The following SLC17A1 variants were observed in gnomAD, a reference collection of about 807,000 sequenced individuals.
SLC17A1 encodes the protein sodium-dependent phosphate transport protein 1.
In SLC17A1, 51 loss-of-function variants were observed where a neutral mutation model predicts 53.5. The observed-to-expected ratio is 0.95, with a 90% confidence interval of 0.76 to 1.20. The LOEUF (loss-of-function observed/expected upper bound fraction) is 1.20, where lower values mean the gene tolerates loss of function less well. SLC17A1 is among the 50% of genes most tolerant of loss of function. The pLI, the probability that SLC17A1 is intolerant of heterozygous loss-of-function variation, is 0.00. For missense variants in SLC17A1, 538 were observed against 568.2 expected (o/e 0.95, Z 0.54); for synonymous variants, 179 against 198.8 (o/e 0.90, Z 0.84).
the SLC17A1 span, among the ~76,000 whole-genome samples, chr6:25,749,085 G>A: frequency 1.3e-5 from 2 of 152,182 alleles, no homozygotes; most frequent in Admixed American, 6.5e-5. Context: ...GCTGGGGGAC[G>A]GTGAGGTCTT....
intron 3 of SLC17A1, among the ~76,000 whole-genome samples, chr6:25,821,843 A>T (rs1764573324): frequency 6.6e-6 from 1 of 152,202 alleles, no homozygotes; most frequent in Non-Finnish European, 1.5e-5. Flanking sequence ...AAATCTTAGA[A>T]ATATATATAC....
intron 10 of SLC17A1, among the ~76,000 whole-genome samples, chr6:25,808,942 T>C (rs1419418742): frequency 6.6e-6 from 1 of 152,012 alleles, no homozygotes; most frequent in African/African-American, 2.4e-5. Flanking sequence ...TCAAAAAAGA[T>C]ATCTGCACTC....
intron 8 of SLC17A1, 48 bp downstream of exon 8, chr6:25,812,783 C>G (rs1358025639): frequency 7.0e-7 from 1 of 1,431,210 alleles, no homozygotes; most frequent in African/African-American, 1.4e-5. Context: ...GACAAATGTA[C>G]ACAGAGTCTT....
chr6:25,758,047 G>A, the SLC17A1 span, among the ~76,000 whole-genome samples: 20 of 152,300 alleles, frequency 1.3e-4, no homozygotes, highest in African/African-American at 4.8e-4. Context: ...GCTGCCGTGG[G>A]ACGTATCACA....
At chr6:25,778,640 G>T (rs1264854991), downstream of SLC17A1, among the ~76,000 whole-genome samples, 1 of 152,124 alleles carries the variant, frequency 6.6e-6, no homozygotes, top group Non-Finnish European at 1.5e-5. Flanking sequence ...GAAACAGAAA[G>T]AAATCTATGG....
intron 12 of SLC17A1, among the ~76,000 whole-genome samples, chr6:25,791,339 GT>G (rs1013992016): frequency 7.2e-5 from 11 of 151,748 alleles, no homozygotes; most frequent in Non-Finnish European, 1.3e-4. Flanking sequence ...TGAAAATGAT[GT>G]TTTTTTTGAC....
At chr6:25,773,902 C>T in the SLC17A1 span, among the ~76,000 whole-genome samples, 138,312 of 152,184 alleles carry the variant, frequency 0.91, 62,978 homozygotes, top group East Asian at 0.98. Context: ...GATTTTCATA[C>T]ACTATCATAT....
At chr6:25,749,739 T>C in the SLC17A1 span, among the ~76,000 whole-genome samples, 1 of 152,318 alleles carries the variant, frequency 6.6e-6, no homozygotes, top group Non-Finnish European at 1.5e-5. Context: ...ACTTGCTGCC[T>C]TCTTCATACT....
At chr6:25,726,858 T>TGTGTAACCCTGGAAAAGAACC in the SLC17A1 span, 5 of 1,558,606 alleles carry the variant, frequency 3.2e-6, no homozygotes, top group Non-Finnish European at 4.3e-6. Flanking sequence ...TGGAAAGTGC[T>TGTGTAACCCTGGAAAAGAACC]GTGTAACCCT....
chr6:25,724,239 C>T, the SLC17A1 span, among the ~76,000 whole-genome samples: 1 of 152,206 alleles, frequency 6.6e-6, no homozygotes, highest in African/African-American at 2.4e-5. Flanking sequence ...GCCTGGCCAA[C>T]ATGGCGAAAC....
rs910742728 is a variant in SLC17A1 at position 25,804,366 on chromosome 6, T to C, written c.1179-3386A>G. ...ATGAGGGGATTTGTCTCTAGCAGAC[T>C]ATCCCTACAAGAAATGCTAAAAGGA... On this transcript the variant is annotated intron_variant, in intron 10 of 12. Coordinates refer to ENST00000244527, the MANE Select transcript of SLC17A1 (RefSeq NM_005074.5). 9.9e-5 allele frequency among the ~76,000 whole-genome samples: 15 copies of C among 152,250 alleles called. No individual in the cohort carries two copies. The East Asian group carries it at 2.7e-3, about 27-fold the overall frequency.
At chr6:25,749,441 AC>A in the SLC17A1 span, among the ~76,000 whole-genome samples, 1 of 152,206 alleles carries the variant, frequency 6.6e-6, no homozygotes, top group Non-Finnish European at 1.5e-5. Context: ...TTCTACATAG[AC>A]ACAATAACAG....
chr6:25,811,826 C>T (rs1764169668), intron 8 of SLC17A1, 56 bp from the exon 9 acceptor site: 1 of 1,583,586 alleles, frequency 6.3e-7, no homozygotes, highest in Non-Finnish European at 8.7e-7. Flanking sequence ...AGTACTGACA[C>T]ACAGAGTAAT....
chr6:25,731,852 A>C, the SLC17A1 span: 1 of 1,602,688 alleles, frequency 6.2e-7, no homozygotes, highest in Non-Finnish European at 8.5e-7. Context: ...CTAGTTCCCC[A>C]GGCAGCAGCA....
chr6:25,748,809 G>A, the SLC17A1 span, among the ~76,000 whole-genome samples: 1 of 152,230 alleles, frequency 6.6e-6, no homozygotes, highest in East Asian at 1.9e-4. Flanking sequence ...GGATGTGCAC[G>A]TAAGCCAGAT....
At chr6:25,820,735 T>G (rs1457491051) in intron 3 of SLC17A1, among the ~76,000 whole-genome samples, 1 of 151,542 alleles carries the variant, frequency 6.6e-6, no homozygotes, top group Admixed American at 6.6e-5. Flanking sequence ...CCATCTCTAC[T>G]AAAAATACAA....
rs997944471 is a variant in SLC17A1, at chr6:25,810,156, A to T, written c.1178+1242T>A. 3.3e-5 allele frequency among the ~76,000 whole-genome samples: 5 copies of T among 152,224 alleles called. 1 individual carries two copies. In the East Asian group the frequency reaches 7.7e-4, roughly 24 times the overall value. The stretch of plus-strand genomic sequence containing the variant: ...TAAACATAAGACCTGAAACTGTAAA[A>T]CTACTAGAAGAAAACAGGGGACAAG... On this transcript the variant is annotated intron_variant, in intron 10 of 12. Coordinates refer to ENST00000244527, the MANE Select transcript of SLC17A1 (RefSeq NM_005074.5).
intron 10 of SLC17A1, among the ~76,000 whole-genome samples, chr6:25,804,900 C>T (rs575297017): frequency 1.1e-4 from 16 of 151,988 alleles, no homozygotes; most frequent in South Asian, 2.1e-4. Context: ...TACTACTAGA[C>T]CTAAGAAATG....
chr6:25,815,163 G>A (rs1199158442), intron 6 of SLC17A1, among the ~76,000 whole-genome samples: 3 of 138,210 alleles, frequency 2.2e-5, no homozygotes, highest in African/African-American at 8.0e-5. Context: ...TAGAGAAAGA[G>A]AGAAAGAGAA....
Sources: allele counts gnomAD v4.1 joint callset (sites outside exome capture counted in the v4.1 genomes callset), GRCh38; gene constraint gnomAD v4.1.1; transcripts MANE v1.5; gene names NCBI Gene and HGNC (gene_info 2026-07-23, HGNC 2026-07-21).